The following GPC5 variants were observed in gnomAD, a reference collection of about 807,000 sequenced individuals.
GPC5 encodes the protein glypican-5.
A neutral mutation model predicts 53.9 loss-of-function variants in GPC5; 47 were observed. The ratio of observed to expected loss-of-function variants is 0.87; its 90% CI spans 0.69 to 1.11. The LOEUF is 1.11. Among genes scored for constraint, GPC5 ranks in the 50% most tolerant of loss-of-function variants. The pLI is 0.00. For missense variants in GPC5, 748 were observed against 713.1 expected (o/e 1.05, Z -0.56); for synonymous variants, 286 against 263.3 (o/e 1.09, Z -0.84).
intron 6 of GPC5, among the ~76,000 whole-genome samples, chr13:92,031,752 T>TATATTATATATTATATATAATATATAA (rs1566403212): frequency 0.015 from 641 of 43,724 alleles, 118 homozygotes; most frequent in East Asian, 0.036. Flanking sequence ...ATAATATATA[T>TATATTATATATTATATATAATATATAA]TATATTACAT....
chr13:91,811,196 T>C lies in GPC5; in HGVS notation c.1280+54776T>C, dbSNP rs189409386. Among the ~76,000 whole-genome samples, 60 of 152,136 alleles carry C rather than the reference T, an allele frequency of 3.9e-4. 1 individual carries two copies. Among genetic ancestry groups the C allele is most frequent in the African/African-American group, 1.4e-3 (59 of 41,564 alleles). ...TCTTTGAGTGCCTTGACCCTTAAAATAATTTTGTTTCAGAATACCAATTAG... is the reference window on the plus strand; with the variant it reads ...TCTTTGAGTGCCTTGACCCTTAAAACAATTTTGTTTCAGAATACCAATTAG... On this transcript the variant is annotated intron_variant, in intron 5 of 7. Transcript: ENST00000377067.
At chr13:91,569,225 G>T (rs1199924069) in intron 2 of GPC5, among the ~76,000 whole-genome samples, 1 of 152,154 alleles carries the variant, frequency 6.6e-6, no homozygotes, top group Non-Finnish European at 1.5e-5. Context: ...CTTGAAATTA[G>T]TGAGGAAAGA....
At chr13:91,546,515 AT>A (rs1424441449) in intron 2 of GPC5, among the ~76,000 whole-genome samples, 3 of 152,090 alleles carry the variant, frequency 2.0e-5, no homozygotes, top group African/African-American at 7.2e-5. Flanking sequence ...GTGATTTTTA[AT>A]CAATTTTTTA....
chr13:92,314,430 A>G (rs2139214583), intron 7 of GPC5, among the ~76,000 whole-genome samples: 1 of 152,358 alleles, frequency 6.6e-6, no homozygotes, highest in East Asian at 1.9e-4. Flanking sequence ...ACGGTGTTAA[A>G]TGCTTTCACA....
intron 7 of GPC5, among the ~76,000 whole-genome samples, chr13:92,704,976 A>G (rs912150418): frequency 1.3e-5 from 2 of 151,222 alleles, no homozygotes; most frequent in African/African-American, 4.9e-5. Context: ...TCTAAGTAAG[A>G]TCTTTAATGA....
chr13:91,878,661 G>A (rs1005994067), intron 5 of GPC5, among the ~76,000 whole-genome samples: 1 of 152,098 alleles, frequency 6.6e-6, no homozygotes, highest in Non-Finnish European at 1.5e-5. Flanking sequence ...CATGAGACCA[G>A]ATGGTTTTAT....
chr13:91,629,125 T>C (rs1304793798), intron 2 of GPC5, among the ~76,000 whole-genome samples: 3 of 152,288 alleles, frequency 2.0e-5, no homozygotes, highest in East Asian at 1.9e-4. Context: ...GTATTATCTA[T>C]GTGTTAATAA....
intron 7 of GPC5, among the ~76,000 whole-genome samples, chr13:92,492,426 G>A (rs184680619): frequency 4.0e-5 from 6 of 151,516 alleles, no homozygotes; most frequent in African/African-American, 1.2e-4. Context: ...ACACTAACAT[G>A]GCACATGTAT....
intron 7 of GPC5, among the ~76,000 whole-genome samples, chr13:92,323,892 CAAT>C (rs1466979274): frequency 6.6e-6 from 1 of 151,880 alleles, no homozygotes; most frequent in Admixed American, 6.6e-5. Context: ...AGCTATATGA[CAAT>C]GACTCATATC....
intron 7 of GPC5, among the ~76,000 whole-genome samples, chr13:92,632,485 T>TATATACAC (rs138355646): frequency 1.5e-5 from 2 of 137,652 alleles, no homozygotes; most frequent in Non-Finnish European, 3.1e-5. Context: ...TATATATATA[T>TATATACAC]ACACATATAT....
intron 7 of GPC5, among the ~76,000 whole-genome samples, chr13:92,457,678 CTATT>C (rs966770758): frequency 6.6e-6 from 1 of 152,086 alleles, no homozygotes; most frequent in African/African-American, 2.4e-5. Context: ...CAAATTTAGC[CTATT>C]TATTTTCCTT....
chr13:92,564,946 A>G (rs1353626153), intron 7 of GPC5, among the ~76,000 whole-genome samples: 1 of 152,076 alleles, frequency 6.6e-6, no homozygotes, highest in Non-Finnish European at 1.5e-5. Flanking sequence ...AAACTTTACA[A>G]TTGGCAAATC....
chr13:91,423,538 T>C (rs905192198), intron 1 of GPC5, among the ~76,000 whole-genome samples: 3 of 152,046 alleles, frequency 2.0e-5, no homozygotes, highest in Admixed American at 1.3e-4. Flanking sequence ...AGAAGCCTAC[T>C]ATGTATGGAG....
intron 3 of GPC5, among the ~76,000 whole-genome samples, chr13:91,715,217 T>C (rs76032035): frequency 6.6e-6 from 1 of 152,186 alleles, no homozygotes; most frequent in East Asian, 1.9e-4. Flanking sequence ...ATCCCTGTTT[T>C]AGCTAGTTGT....
At chr13:92,695,970 T>G (rs1887545037) in intron 7 of GPC5, among the ~76,000 whole-genome samples, 1 of 152,162 alleles carries the variant, frequency 6.6e-6, no homozygotes, top group Non-Finnish European at 1.5e-5. Flanking sequence ...GTTCCTGTGT[T>G]AGTTTGCTGA....
rs575778183 is a variant in GPC5, at chr13:91,672,537, A to G, written c.326-20650A>G. On this transcript the variant is annotated intron_variant, in intron 2 of 7. Coordinates refer to ENST00000377067, the MANE Select transcript of GPC5 (RefSeq NM_004466.6). Reference sequence around the variant, plus strand: ...ATGCAAATCAAAACCACAATGACATACTATCTCTCTGTAGTCAGAATGATG... The same window carrying G: ...ATGCAAATCAAAACCACAATGACATGCTATCTCTCTGTAGTCAGAATGATG... Among the ~76,000 whole-genome samples, 151 of 152,338 alleles carry G rather than the reference A, an allele frequency of 9.9e-4. 1 individual carries two copies. The highest frequency in any genetic ancestry group is 1.8e-3 in the Non-Finnish European group (123 of 68,032).
intron 7 of GPC5, among the ~76,000 whole-genome samples, chr13:92,216,378 A>G (rs1047358517): frequency 6.6e-6 from 1 of 152,104 alleles, no homozygotes; most frequent in Non-Finnish European, 1.5e-5. Context: ...GAGACAGGAG[A>G]TGGAAGACAA....
At chr13:92,827,567 C>A (rs749894796) in intron 7 of GPC5, among the ~76,000 whole-genome samples, 5 of 152,150 alleles carry the variant, frequency 3.3e-5, no homozygotes, top group Non-Finnish European at 5.9e-5. Context: ...AGAGGAATTT[C>A]TCTGGCTCCA....
Position 92,372,952 on chromosome 13 carries a change from G to T in GPC5, c.1561+227963G>T, listed in dbSNP as rs115768398. ...TTGTCTGCTCCTTGTTTTAAAGTTT[G>T]TAGATAATATCTGATATAAATTATA... On this transcript the variant is annotated intron_variant, in intron 7 of 7. Transcript: ENST00000377067. Among the ~76,000 whole-genome samples the T allele has an allele frequency of 5.6e-3, 857 of 152,230 alleles. 4 individuals carry two copies. Among genetic ancestry groups the T allele is most frequent in the African/African-American group, 0.02 (821 of 41,522 alleles).
Sources: allele counts gnomAD v4.1 joint callset (sites outside exome capture counted in the v4.1 genomes callset), GRCh38; gene constraint gnomAD v4.1.1; transcripts MANE v1.5; gene names NCBI Gene and HGNC (gene_info 2026-07-23, HGNC 2026-07-21).